Variants in CUX2 observed in about 807,000 individuals in gnomAD.
CUX2 encodes the protein homeobox protein cut-like 2.
A neutral mutation model predicts 144.8 loss-of-function variants in CUX2; 40 were observed. The ratio of observed to expected loss-of-function variants is 0.28; its 90% CI spans 0.21 to 0.36. CUX2 has a LOEUF of 0.36. Ranked by LOEUF, CUX2 falls within the 10% of genes least tolerant of loss-of-function variation. The pLI is 1.00. For missense variants in CUX2, 1,615 were observed against 1,994.0 expected, an observed-to-expected ratio of 0.81 and a Z score of 3.62; for synonymous variants, 827 against 875.6, an observed-to-expected ratio of 0.94 and a Z score of 0.98.
At chr12:111,284,577 G>T (rs1885279314) in intron 4 of CUX2, among the ~76,000 whole-genome samples, 1 of 152,184 alleles carries the variant, frequency 6.6e-6, no homozygotes, top group South Asian at 2.1e-4. Flanking sequence ...TAGTAACCTT[G>T]GTAGATGCAG....
rs77634908 is a variant in CUX2 at position 111,089,878 on chromosome 12, C to T, written c.63+55638C>T. Among the ~76,000 whole-genome samples, 861 of 152,304 alleles carry T rather than the reference C, an allele frequency of 5.7e-3. 6 individuals are homozygous for T. The highest frequency in any genetic ancestry group is 0.019 in the African/African-American group (807 of 41,554). ...TTCAGTTAAAACATCACAAAGCAGG[C>T]TGGTGGCCTTTCAGGGGGCTCATGG... On this transcript the variant is annotated intron_variant, in intron 1 of 21. Transcript: ENST00000261726.
intron 4 of CUX2, among the ~76,000 whole-genome samples, chr12:111,267,528 T>TCC (rs559008379): frequency 1.2e-3 from 179 of 152,312 alleles, no homozygotes; most frequent in African/African-American, 3.8e-3. Flanking sequence ...CAGACTCTGC[T>TCC]CCGTGTGACA....
chr12:111,038,828 C>T (rs1473945222), intron 1 of CUX2, among the ~76,000 whole-genome samples: 2 of 151,134 alleles, frequency 1.3e-5, no homozygotes, highest in African/African-American at 4.9e-5. Context: ...ATGGAGAAAC[C>T]ACGGACCAGC....
chr12:111,214,867 A>T (rs1195383889), intron 2 of CUX2, among the ~76,000 whole-genome samples: 2 of 152,106 alleles, frequency 1.3e-5, no homozygotes, highest in African/African-American at 4.8e-5. Context: ...GCCCCCAGCA[A>T]TGTAAGGGCC....
In CUX2 at chr12:111,116,732, A is replaced by G. The variant is rs60644752; in HGVS notation, c.63+82492A>G. Among the ~76,000 whole-genome samples the G allele has an allele frequency of 6.6e-3, 1,010 of 152,330 alleles. 12 individuals are homozygous for G. The highest frequency in any genetic ancestry group is 0.023 in the African/African-American group (964 of 41,568). On this transcript the variant is annotated intron_variant, in intron 1 of 21. Transcript: ENST00000261726. ...ATCTGGAGCTGGTTAATATAAACAA[A>G]ACAGAAACTCAATTGGAATTCCTTC...
intron 1 of CUX2, among the ~76,000 whole-genome samples, chr12:111,181,339 A>G (rs934112488): frequency 6.6e-6 from 1 of 152,250 alleles, no homozygotes; most frequent in Non-Finnish European, 1.5e-5. Flanking sequence ...CGGGAAGCCA[A>G]GGTGAGGCTG....
intron 3 of CUX2, among the ~76,000 whole-genome samples, chr12:111,237,752 C>T (rs567162232): frequency 2.0e-4 from 30 of 152,302 alleles, no homozygotes; most frequent in African/African-American, 7.0e-4. Context: ...TGTGCCCCTT[C>T]CCTCTTCTCA....
chr12:111,241,100 G>A (rs543698211), intron 3 of CUX2, among the ~76,000 whole-genome samples: 7 of 152,300 alleles, frequency 4.6e-5, no homozygotes, highest in Non-Finnish European at 8.8e-5. Flanking sequence ...TTGGGAAGCC[G>A]CATCTGGTGA....
chr12:111,177,952 G>A lies in CUX2; in HGVS notation c.64-36248G>A, dbSNP rs76196420. Among the ~76,000 whole-genome samples, 375 of 152,320 alleles carry A rather than the reference G, an allele frequency of 2.5e-3. 5 individuals are homozygous for A. The highest frequency in any genetic ancestry group is 0.02 in the East Asian group (103 of 5,194). On this transcript the variant is annotated intron_variant, in intron 1 of 21. Transcript: ENST00000261726. ...TCACCCCATACAAAATGCCCAGCGC[G>A]TAGTAAGCAATCAATAAGTTATAGC...
Position 111,348,412 on chromosome 12 carries a change from G to T in CUX2, c.*87G>T, listed in dbSNP as rs1350427272. The stretch of plus-strand genomic sequence containing the variant: ...CCTCAACAGGATGGGGTAAGGGAGG[G>T]AGGAACTCAACCATCAAAATGTGGA... On this transcript the variant is annotated 3_prime_UTR_variant, in exon 22 of 22. Coordinates refer to ENST00000261726, the MANE Select transcript of CUX2 (RefSeq NM_015267.4). 3.2e-6 allele frequency: 4 copies of T among 1,259,856 alleles called. No homozygotes were observed. In the Admixed American group the frequency reaches 8.6e-5, roughly 27 times the overall value. The allele number at this position is 1,259,856 out of a possible 1,614,324, so 78.0% of individuals were successfully genotyped here.
intron 9 of CUX2, among the ~76,000 whole-genome samples, chr12:111,300,462 T>C (rs1240880013): frequency 2.6e-5 from 4 of 152,194 alleles, no homozygotes; most frequent in Admixed American, 6.5e-5. Flanking sequence ...ATGCATACCA[T>C]TGTGAACCTT....
chr12:111,063,317 A>C (rs1870867748), intron 1 of CUX2, among the ~76,000 whole-genome samples: 1 of 152,202 alleles, frequency 6.6e-6, no homozygotes, highest in Non-Finnish European at 1.5e-5. Context: ...TCCAAAAAAA[A>C]CAACAGCAAG....
Position 111,139,169 on chromosome 12 carries a change from T to C in CUX2, c.64-75031T>C, listed in dbSNP as rs188580195. Among the ~76,000 whole-genome samples the C allele has an allele frequency of 7.5e-3, 1,145 of 152,126 alleles. 30 individuals carry two copies. Among genetic ancestry groups the C allele is most frequent in the Non-Finnish European group, 4.2e-3 (287 of 67,988 alleles). Reference sequence around the variant, plus strand: ...CATGAGGATAAGATAGCCCTCACTCTTTGGGATGGTCTACGAGGACCAAGG... The same window carrying C: ...CATGAGGATAAGATAGCCCTCACTCCTTGGGATGGTCTACGAGGACCAAGG... On this transcript the variant is annotated intron_variant, in intron 1 of 21. Transcript: ENST00000261726.
chr12:111,284,404 C>A (rs1246139274), intron 4 of CUX2, among the ~76,000 whole-genome samples: 1 of 152,174 alleles, frequency 6.6e-6, no homozygotes, highest in African/African-American at 2.4e-5. Flanking sequence ...CTCAAAGCAG[C>A]CTGGTCCAGG....
chr12:111,217,830 G>A, intron 2 of CUX2, 60 bp from the exon 3 acceptor site: 1 of 1,566,772 alleles, frequency 6.4e-7, no homozygotes, highest in Middle Eastern at 1.7e-4. Context: ...GCTACAAGCA[G>A]GGGCCACGGG....
At chr12:111,249,564 C>G (rs1434477441) in intron 3 of CUX2, among the ~76,000 whole-genome samples, 1 of 148,916 alleles carries the variant, frequency 6.7e-6, no homozygotes, top group African/African-American at 2.5e-5. Flanking sequence ...TCAGGTGATT[C>G]TCCTGCCTCA....
intron 3 of CUX2, among the ~76,000 whole-genome samples, chr12:111,262,048 G>A (rs1179667354): frequency 6.6e-6 from 1 of 152,106 alleles, no homozygotes; most frequent in Non-Finnish European, 1.5e-5. Context: ...CTGATGTTCT[G>A]TTACCAAACT....
chr12:111,328,607 TGTG>T (rs1213007671), intron 18 of CUX2, among the ~76,000 whole-genome samples: 1 of 151,482 alleles, frequency 6.6e-6, no homozygotes, highest in East Asian at 1.9e-4. Flanking sequence ...TGTGTGTGTG[TGTG>T]TGTGTGTGTG....
intron 1 of CUX2, among the ~76,000 whole-genome samples, chr12:111,211,071 T>G (rs760273090): frequency 2.0e-5 from 3 of 152,206 alleles, no homozygotes; most frequent in Non-Finnish European, 4.4e-5. Flanking sequence ...TGATGTATGT[T>G]AGGAGCTTAG....
Sources: gnomAD v4.1 joint callset for allele counts (sites outside exome capture counted in the v4.1 genomes callset) on GRCh38, gnomAD v4.1.1 for gene constraint, MANE v1.5 for transcripts, NCBI Gene and HGNC (gene_info 2026-07-23, HGNC 2026-07-21) for gene names.